TRPS1: variants seen among roughly 807,000 people sequenced by gnomAD.
TRPS1 encodes the protein zinc finger transcription factor Trps1.
Under a neutral mutation model 101.2 loss-of-function variants are expected in TRPS1, and 6 were observed. That is an observed-to-expected ratio of 0.06 (90% CI 0.03 to 0.12). The LOEUF (loss-of-function observed/expected upper bound fraction) is 0.12, where lower values mean the gene tolerates loss of function less well. Ranked by LOEUF, TRPS1 falls within the 10% of genes least tolerant of loss-of-function variation. The pLI, the probability that TRPS1 is intolerant of heterozygous loss-of-function variation, is 1.00. For synonymous variants in TRPS1, 578 were observed against 589.8 expected (o/e 0.98, Z 0.29); for missense variants, 1,363 against 1,567.0 (o/e 0.87, Z 2.20).
At chr8:115,575,490 T>C (rs1261240100) in intron 5 of TRPS1, among the ~76,000 whole-genome samples, 2 of 152,176 alleles carry the variant, frequency 1.3e-5, no homozygotes, top group East Asian at 3.8e-4. Flanking sequence ...TATTTTCTTC[T>C]TTTTGCTTGT....
At chr8:115,524,766 GA>G (rs1302715203) in intron 5 of TRPS1, among the ~76,000 whole-genome samples, 3 of 151,552 alleles carry the variant, frequency 2.0e-5, no homozygotes, top group South Asian at 2.1e-4. Context: ...GAGCTTCTTT[GA>G]AAAAAAATCT....
chr8:115,607,814 G>A (rs1393507455), intron 3 of TRPS1, among the ~76,000 whole-genome samples: 1 of 151,812 alleles, frequency 6.6e-6, no homozygotes, highest in African/African-American at 2.4e-5. Context: ...TTCTATACTG[G>A]TAGATGTACA....
chr8:115,596,737 A>G (rs1817795354), intron 4 of TRPS1, among the ~76,000 whole-genome samples: 1 of 151,722 alleles, frequency 6.6e-6, no homozygotes, highest in African/African-American at 2.4e-5. Context: ...ACATACATCT[A>G]TGTATGTGTA....
At chr8:115,493,221 T>C (rs1228784871) in intron 5 of TRPS1, among the ~76,000 whole-genome samples, 1 of 152,206 alleles carries the variant, frequency 6.6e-6, no homozygotes, top group Non-Finnish European at 1.5e-5. Context: ...ATCACCATAA[T>C]AAGCCACTAG....
intron 5 of TRPS1, among the ~76,000 whole-genome samples, chr8:115,551,031 GC>G (rs1370034586): frequency 1.3e-5 from 2 of 152,166 alleles, no homozygotes; most frequent in African/African-American, 4.8e-5. Flanking sequence ...AAAGACTCCA[GC>G]CTTCACTCTG....
intron 3 of TRPS1, among the ~76,000 whole-genome samples, chr8:115,610,787 G>A (rs1818144279): frequency 6.6e-6 from 1 of 151,868 alleles, no homozygotes. Flanking sequence ...ATATTATCTG[G>A]TATTTCAGAT....
intron 1 of TRPS1, among the ~76,000 whole-genome samples, chr8:115,658,183 G>A (rs1352024869): frequency 6.6e-6 from 1 of 152,030 alleles, no homozygotes; most frequent in Non-Finnish European, 1.5e-5. Context: ...CCAGTCAGAG[G>A]ATTTTCAAAA....
At chr8:115,505,895 C>T (rs1452831344) in intron 5 of TRPS1, among the ~76,000 whole-genome samples, 11 of 151,754 alleles carry the variant, frequency 7.2e-5, no homozygotes, top group Admixed American at 5.3e-4. Context: ...GTTTGAAATG[C>T]TTTCCTCTAA....
chr8:115,529,067 G>A (rs1453739579), intron 5 of TRPS1, among the ~76,000 whole-genome samples: 1 of 152,002 alleles, frequency 6.6e-6, no homozygotes, highest in Non-Finnish European at 1.5e-5. Flanking sequence ...CTAGGAAGGA[G>A]ACGATTAAAA....
chr8:115,566,029 T>C (rs926884747), intron 5 of TRPS1, among the ~76,000 whole-genome samples: 2 of 152,186 alleles, frequency 1.3e-5, no homozygotes, highest in Admixed American at 6.6e-5. Flanking sequence ...TACCATGGCA[T>C]AGATTTTAGC....
At chr8:115,459,403 C>G (rs1386950560) in intron 5 of TRPS1, among the ~76,000 whole-genome samples, 6 of 152,098 alleles carry the variant, frequency 3.9e-5, no homozygotes. Context: ...TTGCAGTGCA[C>G]TATCTTACAT....
chr8:115,487,210 A>G (rs1418402559), intron 5 of TRPS1, among the ~76,000 whole-genome samples: 2 of 152,052 alleles, frequency 1.3e-5, no homozygotes, highest in Non-Finnish European at 2.9e-5. Context: ...CTGTTACAGC[A>G]TGGTTTACTG....
intron 1 of TRPS1, among the ~76,000 whole-genome samples, chr8:115,660,227 G>A (rs1477923639): frequency 6.6e-6 from 1 of 151,928 alleles, no homozygotes; most frequent in Non-Finnish European, 1.5e-5. Flanking sequence ...ACATTGTATT[G>A]TAGAATCTAA....
chr8:115,414,543 T>A lies in TRPS1; in HGVS notation c.3365A>T (p.Asp1122Val), dbSNP rs766877177. 3 of 1,613,782 alleles carry A rather than the reference T, an allele frequency of 1.9e-6. No individual in the cohort carries two copies. The highest frequency in any genetic ancestry group is 2.7e-5 in the African/African-American group (2 of 74,878). Residue 1122 changes from aspartate (D) to valine (V), a missense_variant, in exon 7 of 7, where the codon GAT (aspartate) becomes GTT (valine). Around this residue, in one of 5 missense-constraint regions of TRPS1, gnomAD observed 307 missense variants for 392.4 expected, o/e 0.78. Coordinates refer to ENST00000395715, the MANE Select transcript of TRPS1 (RefSeq NM_014112.5). This position sits in a 1 kb window ranked among gnomAD's most constrained non-coding sequence, Gnocchi z 4.8. ...ATATTTACTCCAGAACCGCAGCCAA[T>A]CAGCTTCACTCTGGAAGTCATTATG... ...FVHNDFQSEA[D>V]WLRFWSKYKL...
intron 3 of TRPS1, among the ~76,000 whole-genome samples, chr8:115,614,539 T>G (rs146952051): frequency 5.3e-4 from 80 of 152,340 alleles, no homozygotes; most frequent in African/African-American, 1.8e-3. Context: ...AACTTTGCCT[T>G]GCTTTATGGC....
chr8:115,553,654 TCAC>T (rs1477960952), intron 5 of TRPS1, among the ~76,000 whole-genome samples: 1 of 152,182 alleles, frequency 6.6e-6, no homozygotes, highest in Non-Finnish European at 1.5e-5. Context: ...AATGTAAATG[TCAC>T]CACAACATAT....
intron 5 of TRPS1, among the ~76,000 whole-genome samples, chr8:115,441,454 T>C (rs964220903): frequency 2.0e-5 from 3 of 152,184 alleles, no homozygotes; most frequent in Middle Eastern, 3.2e-3. Context: ...TTCTGAAAGT[T>C]TTCCATTTAA....
chr8:115,514,599 C>T (rs1164478274), intron 5 of TRPS1, among the ~76,000 whole-genome samples: 1 of 151,136 alleles, frequency 6.6e-6, no homozygotes, highest in Non-Finnish European at 1.5e-5. Flanking sequence ...TAAAAATTTC[C>T]TTGAATTATT....
intron 5 of TRPS1, among the ~76,000 whole-genome samples, chr8:115,465,523 T>C (rs1814294904): frequency 6.6e-6 from 1 of 152,114 alleles, no homozygotes; most frequent in East Asian, 1.9e-4. Flanking sequence ...AGTAAGTCTG[T>C]TGTATTCTCT....
Sources: gnomAD v4.1 joint callset for allele counts (sites outside exome capture counted in the v4.1 genomes callset) on GRCh38, gnomAD v4.1.1 for gene constraint, gnomAD v4.1.1 regional missense constraint, Gnocchi (gnomAD v3.1) non-coding constraint, MANE v1.5 for transcripts, NCBI Gene and HGNC (gene_info 2026-07-23, HGNC 2026-07-21) for gene names.